The following AADAC variants were observed in gnomAD, a reference collection of about 807,000 sequenced individuals.
AADAC encodes the protein arylacetamide deacetylase (esterase).
Under a neutral mutation model 22.7 loss-of-function variants are expected in AADAC, and 17 were observed. The observed-to-expected ratio is 0.75, with a 90% CI of 0.51 to 1.12. AADAC has a LOEUF of 1.12. Ranked by LOEUF, AADAC falls within the 50% of genes most tolerant of loss-of-function variation. The pLI is 0.00. For missense variants in AADAC, 465 were observed against 473.9 expected (o/e 0.98, Z 0.17); for synonymous variants, 167 against 176.3 (o/e 0.95, Z 0.42).
chr3:151,826,935 G>A (rs1049639918), intron 4 of AADAC, among the ~76,000 whole-genome samples: 5 of 151,734 alleles, frequency 3.3e-5, no homozygotes, highest in African/African-American at 1.2e-4. Flanking sequence ...ATTTTTTTGA[G>A]ACAGTGTGTC....
chr3:151,816,278 T>TG (rs1715986367), intron 1 of AADAC, among the ~76,000 whole-genome samples: 1 of 152,052 alleles, frequency 6.6e-6, no homozygotes. Context: ...ATTTCTAAAC[T>TG]AAACCAGTTC....
intron 4 of AADAC, among the ~76,000 whole-genome samples, chr3:151,825,905 A>G (rs1160259470): frequency 6.6e-6 from 1 of 151,966 alleles, no homozygotes; most frequent in Non-Finnish European, 1.5e-5. Context: ...TTCTTTGGAT[A>G]AATCATTCAT....
chr3:151,817,092 C>T lies in AADAC; in HGVS notation c.139-274C>T, dbSNP rs567458897. On this transcript the variant is annotated intron_variant, in intron 1 of 4. Coordinates refer to ENST00000232892, the MANE Select transcript of AADAC (RefSeq NM_001086.3). ...TCCAGCTAATCTTGTATTTCCAGCC[C>T]TTCTGAAAAGCTACCTTGCATTATG... 2.6e-5 allele frequency among the ~76,000 whole-genome samples: 4 copies of T among 152,132 alleles called. No individual in the cohort carries two copies. In the East Asian group the frequency reaches 7.7e-4, roughly 29 times the overall value.
At chr3:151,827,013 C>G (rs999271136) in intron 4 of AADAC, among the ~76,000 whole-genome samples, 2 of 151,866 alleles carry the variant, frequency 1.3e-5, no homozygotes, top group Admixed American at 1.3e-4. Flanking sequence ...CTCATGGGTT[C>G]AAGCAATTCT....
At chr3:151,814,394 A>G in intron 1 of AADAC, 94 bp downstream of exon 1, 1 of 1,290,026 alleles carries the variant, frequency 7.8e-7, no homozygotes, top group Admixed American at 2.9e-5. Flanking sequence ...TGATTTATTG[A>G]CTTATTCATC....
At chr3:151,814,571 C>T (rs1483858970) in intron 1 of AADAC, among the ~76,000 whole-genome samples, 1 of 151,978 alleles carries the variant, frequency 6.6e-6, no homozygotes, top group South Asian at 2.1e-4. Context: ...TTTAATATCA[C>T]GATAGTGGCT....
chr3:151,827,778 A>C lies in AADAC; in HGVS notation c.806A>C (p.His269Pro), dbSNP rs1454823589. ...GAAAAAGCCATGCTTTCCAGACAAC[A>C]TGTACCTGTGGAATCAAGTCATCTC... ...SLEKAMLSRQ[H>P]VPVESSHLFK... The change falls in exon 5 of 5, where the codon CAT becomes CCT. Residue 269 changes from histidine to proline, a missense_variant. His to Pro is a moderately conservative substitution (Grantham distance 77). Coordinates refer to ENST00000232892, the MANE Select transcript of AADAC (RefSeq NM_001086.3). 4 of 1,613,376 alleles carry C rather than the reference A, an allele frequency of 2.5e-6. No homozygotes were observed. Among genetic ancestry groups the C allele is most frequent in the East Asian group, 4.5e-5 (2 of 44,872 alleles).
chr3:151,814,453 T>C (rs1312972669), intron 1 of AADAC, among the ~76,000 whole-genome samples, 153 bp downstream of exon 1: 1 of 152,016 alleles, frequency 6.6e-6, no homozygotes, highest in Non-Finnish European at 1.5e-5. Context: ...TTAGAAATGT[T>C]GTTTGTTTTC....
In AADAC at chr3:151,828,317, T is replaced by C. The variant is rs1716595983; in HGVS notation, c.*145T>C. On this transcript the variant is annotated 3_prime_UTR_variant, in exon 5 of 5. Transcript: ENST00000232892. ...AATAGGCACTTTTCTGTTTTTTTTT[T>C]CTTACTGTGGGATTTCATTTCAATT... The C allele has an allele frequency of 4.4e-6, 2 of 450,184 alleles. No homozygotes were observed. Among genetic ancestry groups the C allele is most frequent in the South Asian group, 7.2e-5 (1 of 13,900 alleles). 27.9% of individuals were successfully genotyped at this position (450,184 alleles called of 1,614,324 possible).
chr3:151,825,835 T>G (rs1716470083), intron 4 of AADAC, among the ~76,000 whole-genome samples: 2 of 151,930 alleles, frequency 1.3e-5, no homozygotes, highest in Admixed American at 1.3e-4. Flanking sequence ...AAAGGAACTA[T>G]TTTCCCATGG....
In AADAC at chr3:151,817,545, G is replaced by A; in HGVS notation, c.318G>A (p.Gly106=). The change falls in exon 2 of 5, where the codon GGG becomes GGA. Residue 106 remains glycine (G), a synonymous_variant. Coordinates refer to ENST00000232892, the MANE Select transcript of AADAC (RefSeq NM_001086.3). ...GAAAGTCTGAAGCACTAAGAAGGGG[G>A]TTGTTTTACATCCATGGTGGAGGCT... ...PKRKSEALRR[G]LFYIHGGGWC... The A allele has an allele frequency of 1.2e-6, 2 of 1,613,782 alleles. No homozygotes were observed. The highest frequency in any genetic ancestry group is 4.5e-5 in the East Asian group (2 of 44,884).
intron 3 of AADAC, 114 bp downstream of exon 3, chr3:151,820,566 G>GGAGT: frequency 1.7e-6 from 1 of 577,604 alleles, no homozygotes; most frequent in Non-Finnish European, 2.6e-6. Flanking sequence ...CACCCAGGCT[G>GGAGT]GAGTGCAGTG....
At chr3:151,824,971 G>A in intron 4 of AADAC, 137 bp downstream of exon 4, 1 of 618,900 alleles carries the variant, frequency 1.6e-6, no homozygotes, top group African/African-American at 1.9e-5. Flanking sequence ...CTATTAAAGA[G>A]AATATTGAGA....
In AADAC at chr3:151,820,305, C is replaced by G. The variant is rs908098568; in HGVS notation, c.362-78C>G. On this transcript the variant is annotated intron_variant, in intron 2 of 4. Transcript: ENST00000232892. The stretch of plus-strand genomic sequence containing the variant: ...CTGCCAGAACGTGAAAGAAGTGCAG[C>G]AGGATTTTTGTGAAGGAAACAGCCT... 3 of 993,468 alleles carry G rather than the reference C, an allele frequency of 3.0e-6. No individual in the cohort carries two copies. The African/African-American group carries it at 4.9e-5, about 16-fold the overall frequency. The allele number at this position is 993,468 out of a possible 1,614,324, so 61.5% of individuals were successfully genotyped here. A position where few individuals can be genotyped will look rare whatever the true frequency, so the allele number is the denominator to read the frequency against.
At chr3:151,820,480 G>T (rs758031179) in intron 3 of AADAC, 28 bp downstream of exon 3, 3 of 1,430,806 alleles carry the variant, frequency 2.1e-6, no homozygotes, top group African/African-American at 2.9e-5. Context: ...TGGTTTCCTG[G>T]CCAGATGTCT....
rs994992469 is a variant in AADAC, at chr3:151,827,848, A to G, written c.876A>G (p.Ile292Met). Reference sequence around the variant, plus strand: ...GTTCCCTGCTCCCTGAGAGGTTTATAAAAGGACATGTTTATAACAATCCAA... The same window carrying G: ...GTTCCCTGCTCCCTGAGAGGTTTATGAAAGGACATGTTTATAACAATCCAA... ...NWSSLLPERF[I>M]KGHVYNNPNY... is the part of the protein sequence containing the mutation. Residue 292 changes from isoleucine (I) to methionine (M), a missense_variant, in exon 5 of 5, where the codon ATA (isoleucine) becomes ATG (methionine). By Grantham distance (10) the Ile-to-Met change is conservative. Transcript: ENST00000232892. 10 of 1,613,166 alleles carry G rather than the reference A, an allele frequency of 6.2e-6. No homozygotes were observed. Among genetic ancestry groups the G allele is most frequent in the Non-Finnish European group, 8.5e-6 (10 of 1,179,626 alleles).
At chr3:151,820,481 C>G in intron 3 of AADAC, 29 bp downstream of exon 3, 1 of 1,405,998 alleles carries the variant, frequency 7.1e-7, no homozygotes, top group Non-Finnish European at 9.6e-7. Context: ...GGTTTCCTGG[C>G]CAGATGTCTG....
chr3:151,824,555 G>A, intron 3 of AADAC, 108 bp from the exon 4 acceptor site: 1 of 846,910 alleles, frequency 1.2e-6, no homozygotes, highest in Non-Finnish European at 1.7e-6. Context: ...CATGTATTAG[G>A]TTGGTGCAAA....
rs1716403996 is a variant in AADAC at position 151,824,752 on chromosome 3, C to T, written c.521C>T (p.Ala174Val). 6.2e-7 allele frequency: 1 copy of T among 1,608,356 alleles called. No homozygotes were observed. The highest frequency in any genetic ancestry group is 1.1e-5 in the South Asian group (1 of 89,968). The part of the protein sequence containing the change: ...LRWFLRKKVL[A>V]KYGVNPERIG... ...TGGTTCTTACGTAAAAAAGTTCTTG[C>T]AAAATATGGTGTGAACCCTGAGAGA... Residue 174 changes from alanine (A) to valine (V), a missense_variant, in exon 4 of 5, where the codon GCA (alanine) becomes GTA (valine). By Grantham distance (64) the Ala-to-Val change is moderately conservative (BLOSUM62 0). Coordinates refer to ENST00000232892, the MANE Select transcript of AADAC (RefSeq NM_001086.3).
Sources: allele counts gnomAD v4.1 joint callset (sites outside exome capture counted in the v4.1 genomes callset), GRCh38; gene constraint gnomAD v4.1.1; transcripts MANE v1.5; gene names NCBI Gene and HGNC (gene_info 2026-07-23, HGNC 2026-07-21).